Variants in KCNH5 observed in about 807,000 individuals in gnomAD.
KCNH5 encodes the protein voltage-gated delayed rectifier potassium channel KCNH5.
In KCNH5, 46 loss-of-function variants were observed where a neutral mutation model predicts 96.1. The observed-to-expected ratio is 0.48, with a 90% CI of 0.38 to 0.61. KCNH5 has a LOEUF of 0.61. KCNH5 is among the 20% of genes least tolerant of loss of function. The pLI is 0.00. For missense variants in KCNH5, 907 were observed against 1,225.8 expected, an observed-to-expected ratio of 0.74 and a Z score of 3.88; for synonymous variants, 439 against 449.8, an observed-to-expected ratio of 0.98 and a Z score of 0.30.
chr14:62,736,187 A>G (rs1360232904), intron 10 of KCNH5, among the ~76,000 whole-genome samples: 2 of 152,178 alleles, frequency 1.3e-5, no homozygotes, highest in Non-Finnish European at 2.9e-5. Context: ...ACACTTCTGC[A>G]TCATCTCCAC....
chr14:62,999,222 G>T (rs887434181), intron 4 of KCNH5, among the ~76,000 whole-genome samples: 1 of 152,110 alleles, frequency 6.6e-6, no homozygotes, highest in Non-Finnish European at 1.5e-5. Context: ...TTTAATGATT[G>T]CCATTCTAAC....
chr14:62,864,256 G>C (rs781587039), intron 7 of KCNH5, among the ~76,000 whole-genome samples: 5 of 152,122 alleles, frequency 3.3e-5, no homozygotes, highest in African/African-American at 4.8e-5. Flanking sequence ...TTTAGATAAA[G>C]AATAGGTACT....
At chr14:62,874,107 A>G (rs1888319006) in intron 7 of KCNH5, among the ~76,000 whole-genome samples, 1 of 152,240 alleles carries the variant, frequency 6.6e-6, no homozygotes, top group Non-Finnish European at 1.5e-5. Flanking sequence ...CTGGACTTTC[A>G]TTCCCAAAGA....
At chr14:63,033,915 TTTTG>T (rs1358626973) in intron 1 of KCNH5, among the ~76,000 whole-genome samples, 1 of 152,108 alleles carries the variant, frequency 6.6e-6, no homozygotes, top group Non-Finnish European at 1.5e-5. Flanking sequence ...TCTGTATTAT[TTTTG>T]TTTGTTTGTT....
At position 62,741,573 on chromosome 14, in the gene KCNH5, T is replaced by C. The variant is rs543053805; in HGVS notation, c.2020-33118A>G. On this transcript the variant is annotated intron_variant, in intron 10 of 10. Coordinates refer to ENST00000322893, the MANE Select transcript of KCNH5 (RefSeq NM_139318.5). Reference sequence around the variant, plus strand: ...CCCAACCCAATGATAACATAAAGCATGGAAAGGAGAATCAACCCTTATGAG... The same window carrying C: ...CCCAACCCAATGATAACATAAAGCACGGAAAGGAGAATCAACCCTTATGAG... 2.0e-4 allele frequency among the ~76,000 whole-genome samples: 30 copies of C among 152,102 alleles called. 2 individuals carry two copies. The highest frequency in any genetic ancestry group is 2.9e-4 in the Non-Finnish European group (20 of 67,982).
At chr14:62,907,920 C>A (rs1344377081) in intron 7 of KCNH5, among the ~76,000 whole-genome samples, 1 of 152,132 alleles carries the variant, frequency 6.6e-6, no homozygotes, top group East Asian at 1.9e-4. Flanking sequence ...GGGCATTGTG[C>A]AAGATGAAGG....
At chr14:63,001,560 GTGC>G in intron 3 of KCNH5, 101 bp from the exon 4 acceptor site, 6 of 1,134,802 alleles carry the variant, frequency 5.3e-6, no homozygotes, top group Non-Finnish European at 7.4e-6. Flanking sequence ...GCCAACAGCT[GTGC>G]CAGGAATCAA....
intron 3 of KCNH5, among the ~76,000 whole-genome samples, chr14:63,003,546 T>TA (rs1891060872): frequency 1.8e-5 from 2 of 112,764 alleles, no homozygotes; most frequent in African/African-American, 8.0e-5. Context: ...ATATATTATA[T>TA]ATAGTATATA....
intron 8 of KCNH5, among the ~76,000 whole-genome samples, chr14:62,824,970 CATGGTGTAT>C (rs1245569415): frequency 6.6e-6 from 1 of 152,062 alleles, no homozygotes; most frequent in Non-Finnish European, 1.5e-5. Flanking sequence ...TATAGTTTCC[CATGGTGTAT>C]ATGTATCACA....
At chr14:63,009,875 T>C (rs1007769577) in intron 2 of KCNH5, among the ~76,000 whole-genome samples, 2 of 152,202 alleles carry the variant, frequency 1.3e-5, no homozygotes, top group African/African-American at 4.8e-5. Flanking sequence ...GGTTAATCAA[T>C]TTGAGGGGTC....
At chr14:63,006,808 T>C (rs1216881020) in intron 2 of KCNH5, among the ~76,000 whole-genome samples, 2 of 152,166 alleles carry the variant, frequency 1.3e-5, no homozygotes, top group Non-Finnish European at 2.9e-5. Flanking sequence ...AGATGCACCT[T>C]CACAACCAGT....
intron 2 of KCNH5, among the ~76,000 whole-genome samples, chr14:63,014,282 G>C (rs966301273): frequency 1.4e-5 from 2 of 138,022 alleles, no homozygotes; most frequent in African/African-American, 5.3e-5. Context: ...ATGCTATCCA[G>C]AGCATGTGAG....
intron 1 of KCNH5, among the ~76,000 whole-genome samples, chr14:63,038,990 C>G (rs1452888274): frequency 6.7e-6 from 1 of 150,356 alleles, no homozygotes; most frequent in African/African-American, 2.5e-5. Flanking sequence ...TAGAACACTA[C>G]TTTCTTTGAC....
At chr14:62,884,694 A>C (rs770577362) in intron 7 of KCNH5, among the ~76,000 whole-genome samples, 1 of 152,220 alleles carries the variant, frequency 6.6e-6, no homozygotes, top group Non-Finnish European at 1.5e-5. Flanking sequence ...TATGTAGGTG[A>C]TATTTTTAAA....
intron 1 of KCNH5, among the ~76,000 whole-genome samples, chr14:63,017,263 T>A (rs1206092053): frequency 6.6e-6 from 1 of 152,034 alleles, no homozygotes; most frequent in Non-Finnish European, 1.5e-5. Context: ...ATAATGTTAA[T>A]GACTATAAAT....
At chr14:62,824,928 A>C (rs1887190469) in intron 8 of KCNH5, among the ~76,000 whole-genome samples, 1 of 152,024 alleles carries the variant, frequency 6.6e-6, no homozygotes, top group Non-Finnish European at 1.5e-5. Context: ...GTTACTGCAA[A>C]GGACACGATT....
intron 10 of KCNH5, among the ~76,000 whole-genome samples, chr14:62,744,479 A>G (rs1173379692): frequency 1.3e-5 from 2 of 152,226 alleles, no homozygotes; most frequent in African/African-American, 4.8e-5. Flanking sequence ...AGTTACTTCC[A>G]TCATATCAGT....
chr14:63,016,745 G>T, intron 2 of KCNH5, 86 bp downstream of exon 2: 1 of 1,307,868 alleles, frequency 7.6e-7, no homozygotes, highest in Non-Finnish European at 1.1e-6. Context: ...TTTGTATATG[G>T]GAGTCCAAGT....
rs1475382614 is a variant in KCNH5, at chr14:62,701,115, T to A, written c.*6393A>T. On this transcript the variant is annotated 3_prime_UTR_variant, in exon 11 of 11. Transcript: ENST00000322893. ...AGAGAGAGTGATCAGATCTTTTTGT[T>A]TCCTCCCATCAAAATGCAGCCCAAC... The A allele has an allele frequency of 6.6e-6, 1 of 152,066 alleles. No individual in the cohort carries two copies. The highest frequency in any genetic ancestry group is 1.5e-5 in the Non-Finnish European group (1 of 67,990). 9.4% of individuals were successfully genotyped at this position (152,066 alleles called of 1,614,324 possible).
Sources: gnomAD v4.1 joint callset for allele counts (sites outside exome capture counted in the v4.1 genomes callset) on GRCh38, gnomAD v4.1.1 for gene constraint, MANE v1.5 for transcripts, NCBI Gene and HGNC (gene_info 2026-07-23, HGNC 2026-07-21) for gene names.